ANO4: variants seen among roughly 807,000 people sequenced by gnomAD.
ANO4 encodes the protein anoctamin 4, also known as anoctamin-4.
Under a neutral mutation model 141.9 loss-of-function variants are expected in ANO4, and 69 were observed. The observed-to-expected ratio is 0.49, with a 90% confidence interval of 0.40 to 0.59. ANO4 has a LOEUF of 0.59. ANO4 is among the 20% of genes least tolerant of loss of function. ANO4 has a pLI of 0.00. For synonymous variants in ANO4, 350 were observed against 394.3 expected, an observed-to-expected ratio of 0.89 and a Z score of 1.33; for missense variants, 894 against 1,162.2, an observed-to-expected ratio of 0.77 and a Z score of 3.36.
intron 8 of ANO4, among the ~76,000 whole-genome samples, chr12:101,012,940 G>A (rs1274433027): frequency 6.6e-6 from 1 of 152,092 alleles, no homozygotes; most frequent in Non-Finnish European, 1.5e-5. Flanking sequence ...GAAATTGGGT[G>A]CACTTCAGTT....
intron 2 of ANO4, among the ~76,000 whole-genome samples, chr12:100,922,006 G>A (rs1376877335): frequency 6.6e-6 from 1 of 151,326 alleles, no homozygotes; most frequent in Non-Finnish European, 1.5e-5. Flanking sequence ...GCCTTATTTT[G>A]CATTGGAAAT....
intron 9 of ANO4, among the ~76,000 whole-genome samples, chr12:101,032,662 T>C (rs1246268254): frequency 6.6e-6 from 1 of 151,646 alleles, no homozygotes; most frequent in Non-Finnish European, 1.5e-5. Context: ...GTGAAGGACA[T>C]GAACAGACAC....
intron 1 of ANO4, among the ~76,000 whole-genome samples, chr12:100,830,220 C>G (rs2036565581): frequency 6.6e-6 from 1 of 151,976 alleles, no homozygotes; most frequent in African/African-American, 2.4e-5. Flanking sequence ...AACCACATTC[C>G]TGAAGCAACA....
intron 1 of ANO4, among the ~76,000 whole-genome samples, chr12:100,870,457 TA>T (rs1389042445): frequency 5.3e-5 from 8 of 152,200 alleles, no homozygotes; most frequent in African/African-American, 1.7e-4. Flanking sequence ...AAGTTTTCAT[TA>T]TTTTTTTTTA....
rs568574945 is a variant in ANO4 at position 100,767,625 on chromosome 12, T to A, written c.358+27520T>A. On this transcript the variant is annotated intron_variant, in intron 3 of 29. Coordinates refer to the ANO4 transcript ENST00000644049. ...AAGGGATGATTCATTTTCCCAGGTG[T>A]GACAAAGTGTAACAGCACAAGATTT... 9.4e-4 allele frequency among the ~76,000 whole-genome samples: 143 copies of A among 152,332 alleles called. 3 individuals carry two copies. The South Asian group carries it at 0.03, about 32-fold the overall frequency.
chr12:100,918,958 C>T (rs1050895136), intron 2 of ANO4, among the ~76,000 whole-genome samples: 1 of 151,924 alleles, frequency 6.6e-6, no homozygotes, highest in African/African-American at 2.4e-5. Context: ...TAATCCTGAC[C>T]TTGTATAGGC....
At position 101,043,654 on chromosome 12, in the gene ANO4, A is replaced by G; in HGVS notation, c.1251+19A>G. ...TGCCAAGGTAATTTCAAACTGTAGC[A>G]TTTTAGATGAATTGAATTTAACATA... is the stretch of plus-strand genomic sequence containing the variant. On this transcript the variant is annotated intron_variant, in intron 13 of 27. Transcript: ENST00000392977. 2 of 1,557,996 alleles carry G rather than the reference A, an allele frequency of 1.3e-6. No individual in the cohort carries two copies. Among genetic ancestry groups the G allele is most frequent in the Non-Finnish European group, 1.8e-6 (2 of 1,129,882 alleles).
chr12:101,045,340 G>C (rs920818819), intron 13 of ANO4, among the ~76,000 whole-genome samples: 2 of 152,168 alleles, frequency 1.3e-5, no homozygotes, highest in African/African-American at 4.8e-5. Flanking sequence ...TTATTGCACT[G>C]CAAAACATGC....
intron 1 of ANO4, among the ~76,000 whole-genome samples, chr12:100,868,905 A>C (rs2038895526): frequency 6.6e-6 from 1 of 152,242 alleles, no homozygotes. Flanking sequence ...TAACATTTAA[A>C]AATTGTAAAA....
At chr12:101,114,100 A>G (rs1017338235) in intron 24 of ANO4, among the ~76,000 whole-genome samples, 1 of 152,150 alleles carries the variant, frequency 6.6e-6, no homozygotes, top group Non-Finnish European at 1.5e-5. Flanking sequence ...CAGTGAGGGT[A>G]TATAGCATTC....
At chr12:101,017,118 G>A (rs551721062) in intron 8 of ANO4, among the ~76,000 whole-genome samples, 10 of 152,124 alleles carry the variant, frequency 6.6e-5, no homozygotes, top group African/African-American at 2.4e-4. Context: ...CCCAAGACTG[G>A]GTAATTTATA....
chr12:100,917,393 A>G (rs1202552966), intron 2 of ANO4, among the ~76,000 whole-genome samples: 2 of 152,198 alleles, frequency 1.3e-5, no homozygotes, highest in Non-Finnish European at 2.9e-5. Flanking sequence ...TTGTGTTCTG[A>G]TCCAAAGGCC....
intron 1 of ANO4, among the ~76,000 whole-genome samples, chr12:100,897,131 C>G (rs1291260306): frequency 6.6e-6 from 1 of 152,184 alleles, no homozygotes; most frequent in Non-Finnish European, 1.5e-5. Flanking sequence ...GTGTGTTTCC[C>G]AAGGTTCTGA....
intron 3 of ANO4, among the ~76,000 whole-genome samples, chr12:100,780,563 G>A (rs2033682343): frequency 6.6e-6 from 1 of 152,214 alleles, no homozygotes; most frequent in East Asian, 1.9e-4. Flanking sequence ...AACTGTCATG[G>A]CACTGGTGGG....
At chr12:101,063,336 C>T (rs779836547) in intron 14 of ANO4, among the ~76,000 whole-genome samples, 5 of 152,218 alleles carry the variant, frequency 3.3e-5, no homozygotes, top group African/African-American at 4.8e-5. Context: ...CTTCTGTTCT[C>T]AATCCTGTTT....
At chr12:101,014,274 G>A (rs2046225176) in intron 8 of ANO4, among the ~76,000 whole-genome samples, 1 of 152,142 alleles carries the variant, frequency 6.6e-6, no homozygotes, top group South Asian at 2.1e-4. Context: ...TAAACTCCAG[G>A]AGGTCTGTAA....
chr12:100,925,709 C>T (rs2041838211), intron 3 of ANO4, among the ~76,000 whole-genome samples: 1 of 149,920 alleles, frequency 6.7e-6, no homozygotes, highest in African/African-American at 2.5e-5. Context: ...TTAAGATTAA[C>T]AAGATGATGG....
chr12:100,750,123 T>G (rs1260810186), intron 3 of ANO4, among the ~76,000 whole-genome samples: 1 of 151,802 alleles, frequency 6.6e-6, no homozygotes. Flanking sequence ...GCATTTCTTT[T>G]TTTTTTTCTT....
intron 2 of ANO4, among the ~76,000 whole-genome samples, chr12:100,904,646 C>T (rs946836559): frequency 4.6e-5 from 7 of 152,196 alleles, no homozygotes; most frequent in African/African-American, 1.7e-4. Flanking sequence ...GGGGAATCAA[C>T]TCAGTGAGGT....
Sources: gnomAD v4.1 joint callset for allele counts (sites outside exome capture counted in the v4.1 genomes callset) on GRCh38, gnomAD v4.1.1 for gene constraint, MANE v1.5 for transcripts, NCBI Gene and HGNC (gene_info 2026-07-23, HGNC 2026-07-21) for gene names.